The following TCHH variants were observed in gnomAD, a reference collection of about 807,000 sequenced individuals.
The protein encoded by TCHH is trichohyalin.
In TCHH, 6 loss-of-function variants were observed where a neutral mutation model predicts 6.3. That is an observed-to-expected ratio of 0.95 (90% CI 0.52 to 1.88). The LOEUF (loss-of-function observed/expected upper bound fraction) is 1.88, where lower values mean the gene tolerates loss of function less well. Among genes scored for constraint, TCHH ranks in the 40% most tolerant of loss-of-function variants. TCHH has a pLI of 0.01. For synonymous variants in TCHH, 1,087 were observed against 963.6 expected, an observed-to-expected ratio of 1.13 and a Z score of -2.37; for missense variants, 2,920 against 2,449.1, an observed-to-expected ratio of 1.19 and a Z score of -4.06.
rs377259751 is a variant in TCHH at position 152,109,510 on chromosome 1, C to T, written c.3707G>A (p.Arg1236His). The T allele has an allele frequency of 6.2e-7, 1 of 1,614,278 alleles. No individual in the cohort carries two copies. Among genetic ancestry groups the T allele is most frequent in the South Asian group, 1.1e-5 (1 of 91,092 alleles). ...QWEPEKENAV[R>H]DNKVYCKGRE... ...GCCTTTGCAGTAAACCTTGTTATCA[C>T]GAACTGCATTTTCTTTTTCTGGTTC... The change falls in exon 3 of 3, where the codon CGT becomes CAT. Residue 1236 changes from arginine to histidine, a missense_variant. Coordinates refer to ENST00000614923, the MANE Select transcript of TCHH (RefSeq NM_007113.4).
rs765137350 is a variant in TCHH, at chr1:152,108,991, C to T, written c.4226G>A (p.Arg1409His). ...LRCQEREQQL[R>H]QDRDRKFREE... ...GCGGAATTTTCTGTCGCGGTCCTGA[C>T]GCAGCTGTTGCTCGCGCTCCTGGCA... Residue 1409 changes from arginine (R) to histidine (H), a missense_variant, in exon 3 of 3, where the codon CGT becomes CAT. Arg to His is a conservative substitution (Grantham distance 29). Transcript: ENST00000614923. 9.9e-6 allele frequency: 16 copies of T among 1,612,536 alleles called. No homozygotes were observed. The South Asian group carries it at 1.4e-4, about 14-fold the overall frequency.
Position 152,107,333 on chromosome 1 carries a change from C to A in TCHH, c.*52G>T, listed in dbSNP as rs1425543755. On this transcript the variant is annotated 3_prime_UTR_variant, in exon 3 of 3. Coordinates refer to ENST00000614923, the MANE Select transcript of TCHH (RefSeq NM_007113.4). ...TTATCACTTGGTACCCAGTGTTTCT[C>A]ATTTTCCCGTGCTCGAAGCTTTGGC... is the stretch of plus-strand genomic sequence containing the variant. The A allele has an allele frequency of 1.3e-6, 2 of 1,490,476 alleles. No individual in the cohort carries two copies. The highest frequency in any genetic ancestry group is 1.8e-6 in the Non-Finnish European group (2 of 1,113,942). The allele number at this position is 1,490,476 out of a possible 1,614,324, so 92.3% of individuals were successfully genotyped here.
rs772483455 is a variant in TCHH at position 152,110,436 on chromosome 1, C to G, written c.2781G>C (p.Glu927Asp). ...EREKRRRQEQ[E>D]RQYREEEQLQ... Reference sequence around the variant, plus strand: ...GCTGCTCTTCCTCGCGGTATTGTCTCTCCTGTTCTTGGCGCCTTCTCTTCT... The same window carrying G: ...GCTGCTCTTCCTCGCGGTATTGTCTGTCCTGTTCTTGGCGCCTTCTCTTCT... The change falls in exon 3 of 3, where the codon GAG becomes GAC. Residue 927 changes from glutamate to aspartate, a missense_variant. Coordinates refer to ENST00000614923, the MANE Select transcript of TCHH (RefSeq NM_007113.4). 8 of 1,614,160 alleles carry G rather than the reference C, an allele frequency of 5.0e-6. No individual in the cohort carries two copies. Among genetic ancestry groups the G allele is most frequent in the Non-Finnish European group, 6.8e-6 (8 of 1,180,026 alleles).
chr1:152,114,853 CTG>C (rs751584687), intron 1 of TCHH, among the ~76,000 whole-genome samples: 6 of 152,272 alleles, frequency 3.9e-5, no homozygotes, highest in Non-Finnish European at 7.4e-5. Context: ...ATCCAGAAAA[CTG>C]TGAATGATAT....
In TCHH at chr1:152,115,376, C is replaced by G. The variant is rs1218799263; in HGVS notation, c.-32+15G>C. 6.6e-6 allele frequency: 1 copy of G among 152,274 alleles called. No homozygotes were observed. The highest frequency in any genetic ancestry group is 1.5e-5 in the Non-Finnish European group (1 of 68,070). The allele number at this position is 152,274 out of a possible 1,614,324, so 9.4% of individuals were successfully genotyped here. ...AATCATAAAGAAGACCACGATCCCA[C>G]AGAATGGGACTTACCCACTTCACCA... On this transcript the variant is annotated intron_variant, in intron 1 of 2. Coordinates refer to ENST00000614923, the MANE Select transcript of TCHH (RefSeq NM_007113.4).
Position 152,110,998 on chromosome 1 carries a change from C to T in TCHH, c.2219G>A (p.Arg740Gln), listed in dbSNP as rs777359734. 1.2e-6 allele frequency: 2 copies of T among 1,613,244 alleles called. No homozygotes were observed. The highest frequency in any genetic ancestry group is 1.7e-6 in the Non-Finnish European group (2 of 1,179,968). Residue 740 changes from arginine (R) to glutamine (Q), a missense_variant, in exon 3 of 3, where the codon CGG becomes CAG. Coordinates refer to ENST00000614923, the MANE Select transcript of TCHH (RefSeq NM_007113.4). ...RRRQEQEEKR[R>Q]RRESELQWQE... is the part of the protein sequence containing the mutation. ...CCATTGCAGCTCACTCTCCCGGCGC[C>T]GCCTCTTTTCCTCCTGCTCTTGGCG...
Position 152,110,758 on chromosome 1 carries a change from C to T in TCHH, c.2459G>A (p.Arg820Gln), listed in dbSNP as rs768174548. 7 of 1,608,268 alleles carry T rather than the reference C, an allele frequency of 4.4e-6. No homozygotes were observed. In the East Asian group the frequency reaches 1.1e-4, roughly 26 times the overall value. Residue 820 changes from arginine (R) to glutamine (Q), a missense_variant, in exon 3 of 3, where the codon CGG becomes CAG. Arg to Gln is a conservative substitution (Grantham distance 43). Transcript: ENST00000614923. ...FLPEEEEKEQ[R>Q]RRQRREREKE... ...CTCCCTCTCGCGTCGCTGGCGGCGC[C>T]GCTGCTCCTTCTCCTCCTCCTCCGG...
At chr1:152,114,203 T>C (rs1326929459) in intron 1 of TCHH, 92 bp from the exon 2 acceptor site, 1 of 875,940 alleles carries the variant, frequency 1.1e-6, no homozygotes, top group African/African-American at 1.7e-5. Context: ...CCCTAAATAA[T>C]TTGAATTTAT....
rs1023908618 is a variant in TCHH at position 152,108,932 on chromosome 1, C to T, written c.4285G>A (p.Asp1429Asn). ...TGTTCCTCTTCACGGAATTTTCTGT[C>T]ACGCTCTTGGCGGCTCAGCTGCTGT... ...EEQQLSRQERDRKFREEEQQV... is the reference protein window; with the variant it reads ...EEQQLSRQERNRKFREEEQQV... The change falls in exon 3 of 3, where the codon GAC becomes AAC. Residue 1429 changes from aspartate to asparagine, a missense_variant. By Grantham distance (23) the Asp-to-Asn change is conservative (BLOSUM62 1). Transcript: ENST00000614923. The T allele has an allele frequency of 1.2e-6, 2 of 1,613,150 alleles. No homozygotes were observed. Among genetic ancestry groups the T allele is most frequent in the African/African-American group, 1.3e-5 (1 of 74,602 alleles).
rs770657121 is a variant in TCHH at position 152,112,887 on chromosome 1, T to C, written c.330A>G (p.Leu110=). The change falls in exon 3 of 3, where the codon TTA becomes TTG. Residue 110 remains leucine (L), a synonymous_variant. Transcript: ENST00000614923. ...GGTCTTCTTCTTGCCTGCGATCTTG[T>C]AACAGGCTCTCCTTTCCGTCACACC... is the stretch of plus-strand genomic sequence containing the variant. The part of the protein sequence containing the change: ...RARCDGKESL[L]QDRRQEEDQR... 1.2e-6 allele frequency: 2 copies of C among 1,613,934 alleles called. No individual in the cohort carries two copies. The highest frequency in any genetic ancestry group is 3.3e-5 in the Admixed American group (2 of 59,978).
rs187055135 is a variant in TCHH at position 152,113,820 on chromosome 1, A to T, written c.138+123T>A. On this transcript the variant is annotated intron_variant, in intron 2 of 2. Transcript: ENST00000614923. ...CTTTTGACTCAGAAATGAATGGGGG[A>T]TGTAGTGTAGACCTGTTGTGGTGTA... The T allele has an allele frequency of 1.1e-4, 120 of 1,097,216 alleles. 2 individuals are homozygous for T. The highest frequency in any genetic ancestry group is 9.0e-4 in the Admixed American group (37 of 41,266). The allele number at this position is 1,097,216 out of a possible 1,614,324, so 68.0% of individuals were successfully genotyped here.
Position 152,110,453 on chromosome 1 carries a change from T to G in TCHH, c.2764A>C (p.Arg922=), listed in dbSNP as rs569626565. Residue 922 remains arginine (R), a synonymous_variant, in exon 3 of 3, where the codon AGG becomes CGG. Transcript: ENST00000614923. The part of the protein sequence containing the change: ...ELQREEREKR[R]RQEQERQYRE... ...TATTGTCTCTCCTGTTCTTGGCGCC[T>G]TCTCTTCTCGCGCTCCTCTCTCTGT... 1 of 1,614,036 alleles carries G rather than the reference T, an allele frequency of 6.2e-7. No homozygotes were observed. The highest frequency in any genetic ancestry group is 1.3e-5 in the African/African-American group (1 of 75,026).
chr1:152,107,879 G>C lies in TCHH; in HGVS notation c.5338C>G (p.Arg1780Gly). ...DRKFREEEQL[R>G]QEREEQQLRS... ...AGCTGCTGTTCCTCCCTCTCCTGGC[G>C]GAGCTGTTCCTCCTCGCGGAATTTT... Residue 1780 changes from arginine (R) to glycine (G), a missense_variant, in exon 3 of 3, where the codon CGC (arginine) becomes GGC (glycine). Transcript: ENST00000614923. 1 of 1,613,656 alleles carries C rather than the reference G, an allele frequency of 6.2e-7. No homozygotes were observed. The highest frequency in any genetic ancestry group is 8.5e-7 in the Non-Finnish European group (1 of 1,179,868).
chr1:152,107,423 C>T lies in TCHH; in HGVS notation c.5794G>A (p.Glu1932Lys), dbSNP rs775519557. Reference sequence around the variant, plus strand: ...TGAGATCTCTGCTCTTGGATGTACTCATAGAGAGGGCTGGAGCGCACTGGG... The same window carrying T: ...TGAGATCTCTGCTCTTGGATGTACTTATAGAGAGGGCTGGAGCGCACTGGG... ...SVPVRSSPLY[E>K]YIQEQRSQYR... The change falls in exon 3 of 3, where the codon GAG (glutamate) becomes AAG (lysine). Residue 1932 changes from glutamate (E) to lysine (K), a missense_variant. Physicochemically the swap from Glu to Lys is moderately conservative, Grantham distance 56. Coordinates refer to ENST00000614923, the MANE Select transcript of TCHH (RefSeq NM_007113.4). 1.2e-6 allele frequency: 2 copies of T among 1,606,426 alleles called. No individual in the cohort carries two copies. Among genetic ancestry groups the T allele is most frequent in the Non-Finnish European group, 1.7e-6 (2 of 1,176,366 alleles).
At position 152,111,815 on chromosome 1, in the gene TCHH, C is replaced by T. The variant is rs779770521; in HGVS notation, c.1402G>A (p.Glu468Lys). 1.2e-5 allele frequency: 18 copies of T among 1,506,346 alleles called. No individual in the cohort carries two copies. Among genetic ancestry groups the T allele is most frequent in the Admixed American group, 3.7e-5 (2 of 53,408 alleles). 93.3% of individuals were successfully genotyped at this position (1,506,346 alleles called of 1,614,324 possible). ...LKREEETERH[E>K]QERRKQQLKR... ...AGCTGCTGCTTGCGCCTCTCCTGCTCGTGCCTCTCCGTCTCCTCCTCGCGC... is the reference window on the plus strand; with the variant it reads ...AGCTGCTGCTTGCGCCTCTCCTGCTTGTGCCTCTCCGTCTCCTCCTCGCGC... The change falls in exon 3 of 3, where the codon GAG (glutamate) becomes AAG (lysine). Residue 468 changes from glutamate to lysine, a missense_variant. Glu to Lys is a moderately conservative substitution (Grantham distance 56, BLOSUM62 1). Transcript: ENST00000614923.
Position 152,111,008 on chromosome 1 carries a change from C to T in TCHH, c.2209G>A (p.Glu737Lys), listed in dbSNP as rs1026731927. ...TCACTCTCCCGGCGCCGCCTCTTTTCCTCCTGCTCTTGGCGGCGCCTCTGC... is the reference window on the plus strand; with the variant it reads ...TCACTCTCCCGGCGCCGCCTCTTTTTCTCCTGCTCTTGGCGGCGCCTCTGC... ...EGQRRRQEQE[E>K]KRRRRESELQ... The change falls in exon 3 of 3, where the codon GAA (glutamate) becomes AAA (lysine). Residue 737 changes from glutamate (E) to lysine (K), a missense_variant. Coordinates refer to ENST00000614923, the MANE Select transcript of TCHH (RefSeq NM_007113.4). 4.3e-6 allele frequency: 7 copies of T among 1,613,086 alleles called. No individual in the cohort carries two copies. Among genetic ancestry groups the T allele is most frequent in the Admixed American group, 1.7e-5 (1 of 59,996 alleles).
chr1:152,108,692 G>T lies in TCHH; in HGVS notation c.4525C>A (p.Arg1509Ser). ...AATTTTCTCTCTGGTTCCTGACTGC[G>T]CAGTTCCTGTTCGCGGAATTTTCTG... ...RDRKFREQEL[R>S]SQEPERKFLE... The change falls in exon 3 of 3, where the codon CGC becomes AGC. Residue 1509 changes from arginine (R) to serine (S), a missense_variant. Arg to Ser is a moderately radical substitution (Grantham distance 110). Coordinates refer to ENST00000614923, the MANE Select transcript of TCHH (RefSeq NM_007113.4). 1.9e-6 allele frequency: 3 copies of T among 1,607,008 alleles called. No individual in the cohort carries two copies. Among genetic ancestry groups the T allele is most frequent in the Non-Finnish European group, 2.5e-6 (3 of 1,179,092 alleles).
In TCHH at chr1:152,107,927, G is replaced by C. The variant is rs1403479743; in HGVS notation, c.5290C>G (p.Leu1764Val). ...QLRPEREEQQ[L>V]RRQERDRKFR... Reference sequence around the variant, plus strand: ...TTTCTGTCGCGCTCCTGGCGGCGCAGCTGCTGTTCTTCCCTTTCCGGACGG... The same window carrying C: ...TTTCTGTCGCGCTCCTGGCGGCGCACCTGCTGTTCTTCCCTTTCCGGACGG... The change falls in exon 3 of 3, where the codon CTG becomes GTG. Residue 1764 changes from leucine to valine, a missense_variant. By Grantham distance (32) the Leu-to-Val change is conservative. Transcript: ENST00000614923. The C allele has an allele frequency of 6.2e-7, 1 of 1,613,966 alleles. No individual in the cohort carries two copies. Among genetic ancestry groups the C allele is most frequent in the Non-Finnish European group, 8.5e-7 (1 of 1,180,008 alleles).
rs1557808509 is a variant in TCHH at position 152,108,437 on chromosome 1, C to G, written c.4780G>C (p.Glu1594Gln). 2.5e-6 allele frequency: 4 copies of G among 1,612,450 alleles called. No individual in the cohort carries two copies. Among genetic ancestry groups the G allele is most frequent in the Non-Finnish European group, 3.4e-6 (4 of 1,179,582 alleles). ...EEQKVRRQEQ[E>Q]RKFMEDEQQL... Reference sequence around the variant, plus strand: ...TGTTCGTCCTCCATGAATTTTCTCTCTTGTTCCTGGCGGCGCACTTTCTGT... The same window carrying G: ...TGTTCGTCCTCCATGAATTTTCTCTGTTGTTCCTGGCGGCGCACTTTCTGT... Residue 1594 changes from glutamate to glutamine, a missense_variant, in exon 3 of 3, where the codon GAG becomes CAG. Coordinates refer to ENST00000614923, the MANE Select transcript of TCHH (RefSeq NM_007113.4).
Sources: allele counts gnomAD v4.1 joint callset (sites outside exome capture counted in the v4.1 genomes callset), GRCh38; gene constraint gnomAD v4.1.1; transcripts MANE v1.5; gene names NCBI Gene and HGNC (gene_info 2026-07-23, HGNC 2026-07-21).